Variants in CHID1 observed in about 807,000 individuals in gnomAD.
CHID1 encodes chitinase domain containing 1, also known as chitinase domain-containing protein 1.
A neutral mutation model predicts 55.4 loss-of-function variants in CHID1; 44 were observed. That is an observed-to-expected ratio of 0.79 (90% confidence interval 0.62 to 1.02). The LOEUF is 1.02. CHID1 is among the 50% of genes least tolerant of loss of function. The pLI, the probability that CHID1 is intolerant of heterozygous loss-of-function variation, is 0.00. For missense variants in CHID1, 491 were observed against 515.3 expected, an observed-to-expected ratio of 0.95 and a Z score of 0.46; for synonymous variants, 216 against 212.9, an observed-to-expected ratio of 1.01 and a Z score of -0.13.
In CHID1 at chr11:902,947, A is replaced by G; in HGVS notation, c.261+15T>C. The stretch of plus-strand genomic sequence containing the variant: ...CCTCAGGACCTCCCTCTGCACTGTG[A>G]GGGCCCCAACTTACTGGAGTGACAT... On this transcript the variant is annotated intron_variant, in intron 3 of 12. Coordinates refer to ENST00000323578, the MANE Select transcript of CHID1 (RefSeq NM_023947.4). 1 of 1,611,686 alleles carries G rather than the reference A, an allele frequency of 6.2e-7. No homozygotes were observed. Among genetic ancestry groups the G allele is most frequent in the Non-Finnish European group, 8.5e-7 (1 of 1,178,252 alleles).
At chr11:894,063 A>G (rs1460704334) in intron 7 of CHID1, among the ~76,000 whole-genome samples, 1 of 133,644 alleles carries the variant, frequency 7.5e-6, no homozygotes, top group African/African-American at 2.7e-5. Flanking sequence ...TGGAGGTTGC[A>G]GTGAGCTGAG....
chr11:906,962 A>G (rs1029198355), intron 1 of CHID1, among the ~76,000 whole-genome samples: 1 of 152,200 alleles, frequency 6.6e-6, no homozygotes, highest in Non-Finnish European at 1.5e-5. Flanking sequence ...TGGGAAGCAG[A>G]GGTTGCGGTA....
At position 883,185 on chromosome 11, in the gene CHID1, T is replaced by C. The variant is rs762249594; in HGVS notation, c.922A>G (p.Thr308Ala). ...ACAGGCTCACGGGCATCCTTGGAGG[T>C]CGCGTAGTCCATACCATAGAAGTTG... ...GLNFYGMDYA[T>A]SKDAREPVVG... Residue 308 changes from threonine to alanine, a missense_variant, in exon 10 of 13, where the codon ACC becomes GCC. Thr to Ala is a moderately conservative substitution (Grantham distance 58). Coordinates refer to ENST00000323578, the MANE Select transcript of CHID1 (RefSeq NM_023947.4). The C allele has an allele frequency of 6.2e-7, 1 of 1,613,674 alleles. No individual in the cohort carries two copies. The highest frequency in any genetic ancestry group is 8.5e-7 in the Non-Finnish European group (1 of 1,179,706).
intron 7 of CHID1, among the ~76,000 whole-genome samples, chr11:898,393 A>C (rs983362930): frequency 6.6e-6 from 1 of 152,220 alleles, no homozygotes; most frequent in Non-Finnish European, 1.5e-5. Context: ...CGGCTCACAC[A>C]GAAGGCTGAA....
intron 10 of CHID1, among the ~76,000 whole-genome samples, chr11:872,851 C>T (rs976360879): frequency 2.6e-5 from 4 of 152,208 alleles, no homozygotes; most frequent in African/African-American, 7.2e-5. Flanking sequence ...ACACACTCCT[C>T]CTCCTGGGGG....
At chr11:882,890 A>G in intron 10 of CHID1, 1 of 414,154 alleles carries the variant, frequency 2.4e-6, no homozygotes, top group South Asian at 4.0e-5. Context: ...GGGTGGGGGA[A>G]GCCTCAGTCC....
intron 4 of CHID1, 163 bp downstream of exon 4, chr11:902,035 T>C (rs11246341): frequency 3.2e-6 from 2 of 617,310 alleles, no homozygotes; most frequent in Non-Finnish European, 5.3e-6. Flanking sequence ...AGTCTCACAC[T>C]TACACACTCA....
At chr11:893,762 A>G (rs921041190) in intron 7 of CHID1, among the ~76,000 whole-genome samples, 1 of 152,092 alleles carries the variant, frequency 6.6e-6, no homozygotes, top group Admixed American at 6.5e-5. Flanking sequence ...GAATCCCCAG[A>G]AAGAGGGGCT....
upstream of CHID1, among the ~76,000 whole-genome samples, chr11:912,699 C>A (rs1397750936): frequency 6.6e-6 from 1 of 151,966 alleles, no homozygotes; most frequent in Non-Finnish European, 1.5e-5. Flanking sequence ...GAAAAATTAG[C>A]CGGGCGTAGT....
At chr11:910,886 G>A (rs1426612994), upstream of CHID1, 72 of 1,035,890 alleles carry the variant, frequency 7.0e-5, no homozygotes, top group Non-Finnish European at 8.3e-5. Context: ...GGCACGCTGG[G>A]ATGGAGAGGG....
intron 10 of CHID1, 99 bp from the exon 11 acceptor site, chr11:870,598 C>T: frequency 2.4e-6 from 2 of 823,434 alleles, no homozygotes; most frequent in South Asian, 1.5e-5. Flanking sequence ...GGCAGGGCCA[C>T]TCGGGGCAGC....
chr11:913,812 G>A (rs1199067410), upstream of CHID1, among the ~76,000 whole-genome samples: 2 of 147,436 alleles, frequency 1.4e-5, no homozygotes, highest in African/African-American at 5.0e-5. Flanking sequence ...TGCCTGTAAT[G>A]CCAGCACTTT....
At chr11:904,969 C>A (rs940203574) in intron 1 of CHID1, 110 bp from the exon 2 acceptor site, 50 of 1,213,968 alleles carry the variant, frequency 4.1e-5, no homozygotes, top group Non-Finnish European at 5.0e-5. Context: ...GTCCTCATGG[C>A]ACTGGATGGA....
intron 10 of CHID1, among the ~76,000 whole-genome samples, chr11:873,133 C>A (rs1219694934): frequency 6.6e-6 from 1 of 152,114 alleles, no homozygotes; most frequent in African/African-American, 2.4e-5. Context: ...CTCCCAAAAG[C>A]CCAGGGAGGG....
rs1438003215 is a variant in CHID1 at position 875,863 on chromosome 11, T to A, written c.960-5364A>T. 6.6e-6 allele frequency among the ~76,000 whole-genome samples: 1 copy of A among 151,736 alleles called. No individual in the cohort carries two copies. Among genetic ancestry groups the A allele is most frequent in the East Asian group, 1.9e-4 (1 of 5,152 alleles). On this transcript the variant is annotated intron_variant, in intron 10 of 12. Transcript: ENST00000323578. This position sits in a 1 kb window ranked among gnomAD's most constrained non-coding sequence, Gnocchi z 4.7. ...GTCCCCTGGCGGGTGACAGACAGGATGAAGGAACGATGGGCTCCACTCTGC... is the reference window on the plus strand; with the variant it reads ...GTCCCCTGGCGGGTGACAGACAGGAAGAAGGAACGATGGGCTCCACTCTGC...
intron 8 of CHID1, among the ~76,000 whole-genome samples, chr11:891,357 C>T (rs1359679121): frequency 6.6e-6 from 1 of 152,218 alleles, no homozygotes; most frequent in Non-Finnish European, 1.5e-5. Context: ...GCGTGCATCC[C>T]ACCCTACAGC....
intron 1 of CHID1, among the ~76,000 whole-genome samples, chr11:907,546 C>A (rs986916857): frequency 2.0e-5 from 3 of 152,074 alleles, no homozygotes; most frequent in Non-Finnish European, 4.4e-5. Context: ...GCGGTGGGAG[C>A]TGAACCACCA....
chr11:876,465 G>A (rs1270272275), intron 10 of CHID1, among the ~76,000 whole-genome samples: 5 of 152,184 alleles, frequency 3.3e-5, no homozygotes, highest in Non-Finnish European at 7.4e-5. Context: ...CCCCTCCACC[G>A]TGCAGACATT....
At chr11:877,257 C>G (rs551045583) in intron 10 of CHID1, among the ~76,000 whole-genome samples, 26 of 152,230 alleles carry the variant, frequency 1.7e-4, no homozygotes, top group African/African-American at 5.8e-4. Context: ...CAACTGCCCA[C>G]GGGAAGCTGC....
Sources: allele counts gnomAD v4.1 joint callset (sites outside exome capture counted in the v4.1 genomes callset), GRCh38; gene constraint gnomAD v4.1.1; non-coding constraint Gnocchi (gnomAD v3.1); transcripts MANE v1.5; gene names NCBI Gene and HGNC (gene_info 2026-07-23, HGNC 2026-07-21).